The following CDH6 variants were observed in gnomAD, a reference collection of about 807,000 sequenced individuals.
The protein encoded by CDH6 is cadherin 6.
In CDH6, 31 loss-of-function variants were observed where a neutral mutation model predicts 78.0. That is an observed-to-expected ratio of 0.40 (90% CI 0.30 to 0.54). CDH6 has a LOEUF of 0.54. Ranked by LOEUF, CDH6 falls within the 20% of genes least tolerant of loss-of-function variation. The pLI is 0.56. For synonymous variants in CDH6, 376 were observed against 368.8 expected, an observed-to-expected ratio of 1.02 and a Z score of -0.23; for missense variants, 724 against 975.9, an observed-to-expected ratio of 0.74 and a Z score of 3.44.
intron 1 of CDH6, among the ~76,000 whole-genome samples, chr5:31,208,032 T>C (rs1243636033): frequency 6.6e-6 from 1 of 152,210 alleles, no homozygotes; most frequent in Non-Finnish European, 1.5e-5. Flanking sequence ...GATTGGAGGC[T>C]GTGAAGGCCC....
chr5:31,246,731 GT>G, intron 1 of CDH6, among the ~76,000 whole-genome samples: 1 of 152,150 alleles, frequency 6.6e-6, no homozygotes, highest in African/African-American at 2.4e-5. Context: ...AGAGTTTTTT[GT>G]GTTTTGTTTT....
intron 1 of CDH6, among the ~76,000 whole-genome samples, chr5:31,223,702 A>G (rs575155592): frequency 2.2e-4 from 33 of 152,350 alleles, no homozygotes; most frequent in Admixed American, 3.3e-4. Context: ...GATGAAAGGC[A>G]TGTTTAACTG....
At chr5:31,318,178 T>A (rs1738381119) in intron 11 of CDH6, 1 of 596,172 alleles carries the variant, frequency 1.7e-6, no homozygotes, top group African/African-American at 1.9e-5. Context: ...TCTATCAGAC[T>A]GGGAATGAAT....
intron 1 of CDH6, among the ~76,000 whole-genome samples, chr5:31,206,537 G>A (rs979856334): frequency 6.6e-6 from 1 of 152,054 alleles, no homozygotes; most frequent in African/African-American, 2.4e-5. Context: ...ACCTCGCAAG[G>A]GTGTTTGAAA....
intron 1 of CDH6, among the ~76,000 whole-genome samples, chr5:31,206,644 A>T (rs1224594382): frequency 6.6e-6 from 1 of 152,228 alleles, no homozygotes; most frequent in Non-Finnish European, 1.5e-5. Flanking sequence ...CAAGACAAAC[A>T]TACATCGACT....
At chr5:31,203,397 C>G (rs1167706616) in intron 1 of CDH6, among the ~76,000 whole-genome samples, 3 of 100,972 alleles carry the variant, frequency 3.0e-5, no homozygotes, top group African/African-American at 7.6e-5. Flanking sequence ...TCCCTCCCCC[C>G]TCCCCCCACC....
At chr5:31,305,548 G>A (rs1737968452) in intron 7 of CDH6, 121 bp downstream of exon 7, 5 of 1,043,246 alleles carry the variant, frequency 4.8e-6, no homozygotes, top group Non-Finnish European at 2.8e-6. Flanking sequence ...GTGTTTTCCT[G>A]AAAAAACTAT....
At position 31,244,650 on chromosome 5, in the gene CDH6, GAC is replaced by G. The variant is rs1170394797; in HGVS notation, c.-128-22695_-128-22694del. Among the ~76,000 whole-genome samples the G allele has an allele frequency of 2.0e-5, 3 of 152,088 alleles. No individual in the cohort carries two copies. In the South Asian group the frequency reaches 6.2e-4, roughly 32 times the overall value. ...AGTATATAGATGTGTATTTCCCATG[GAC>G]CAGATGTGGGCCACTTGGGAAAGAA... On this transcript the variant is annotated intron_variant, in intron 1 of 11. Coordinates refer to ENST00000265071, the MANE Select transcript of CDH6 (RefSeq NM_004932.4).
At chr5:31,232,698 T>C (rs1193509342) in intron 1 of CDH6, among the ~76,000 whole-genome samples, 3 of 152,236 alleles carry the variant, frequency 2.0e-5, no homozygotes, top group Admixed American at 1.3e-4. Context: ...TTTTAGTTAT[T>C]GGTTTTGCTT....
At chr5:31,291,356 C>T (rs1743158385) in intron 2 of CDH6, among the ~76,000 whole-genome samples, 1 of 152,146 alleles carries the variant, frequency 6.6e-6, no homozygotes, top group Non-Finnish European at 1.5e-5. Flanking sequence ...CGGTAGCACT[C>T]TCTTAAATTT....
At chr5:31,241,166 C>T (rs981606287) in intron 1 of CDH6, among the ~76,000 whole-genome samples, 1 of 152,170 alleles carries the variant, frequency 6.6e-6, no homozygotes, top group Non-Finnish European at 1.5e-5. Context: ...CTGGTCATGG[C>T]GTCTCTCAGC....
At chr5:31,274,268 A>C (rs1194568911) in intron 2 of CDH6, among the ~76,000 whole-genome samples, 3 of 152,184 alleles carry the variant, frequency 2.0e-5, no homozygotes, top group Non-Finnish European at 4.4e-5. Flanking sequence ...CTGCTATTTA[A>C]TACTAAGAAA....
intron 1 of CDH6, among the ~76,000 whole-genome samples, chr5:31,224,866 AT>A (rs1363157772): frequency 2.2e-4 from 34 of 152,192 alleles, no homozygotes; most frequent in African/African-American, 7.7e-4. Flanking sequence ...TTTAGCCTTT[AT>A]AAATTAACAT....
chr5:31,242,708 G>GTT (rs1013533501), intron 1 of CDH6, among the ~76,000 whole-genome samples: 3 of 150,438 alleles, frequency 2.0e-5, no homozygotes, highest in East Asian at 3.9e-4. Context: ...GAATGGGGGG[G>GTT]GGCGGTTAGA....
intron 6 of CDH6, among the ~76,000 whole-genome samples, chr5:31,302,964 A>AAAGAAGGAAGG (rs1238222776): frequency 9.0e-6 from 1 of 111,680 alleles, no homozygotes; most frequent in African/African-American, 3.3e-5. Flanking sequence ...AGAAGGAAAG[A>AAAGAAGGAAGG]AAAGAAAGAA....
intron 1 of CDH6, among the ~76,000 whole-genome samples, chr5:31,245,315 T>C (rs2149921451): frequency 6.6e-6 from 1 of 152,328 alleles, no homozygotes; most frequent in Middle Eastern, 3.4e-3. Flanking sequence ...ACTTGCATGG[T>C]GATTTCAATT....
intron 8 of CDH6, among the ~76,000 whole-genome samples, chr5:31,314,472 T>C (rs1724939156): frequency 6.6e-6 from 1 of 151,862 alleles, no homozygotes; most frequent in Non-Finnish European, 1.5e-5. Context: ...GTTTATTACA[T>C]TTGTATTCTC....
intron 1 of CDH6, among the ~76,000 whole-genome samples, chr5:31,215,479 A>G (rs1740836463): frequency 6.6e-6 from 1 of 152,232 alleles, no homozygotes; most frequent in South Asian, 2.1e-4. Flanking sequence ...AATAAAAAAT[A>G]TAACTCTGAT....
At chr5:31,242,679 G>T (rs929132690) in intron 1 of CDH6, among the ~76,000 whole-genome samples, 4 of 145,344 alleles carry the variant, frequency 2.8e-5, no homozygotes, top group African/African-American at 1.0e-4. Context: ...GCTGCTGCCT[G>T]GTCTTCTCTA....
Sources: gnomAD v4.1 joint callset for allele counts (sites outside exome capture counted in the v4.1 genomes callset) on GRCh38, gnomAD v4.1.1 for gene constraint, MANE v1.5 for transcripts, NCBI Gene and HGNC (gene_info 2026-07-23, HGNC 2026-07-21) for gene names.